The following RBFOX1 variants were observed in gnomAD, a reference collection of about 807,000 sequenced individuals.
RBFOX1 encodes the protein RNA binding fox-1 homolog 1, also known as RNA binding protein fox-1 homolog 1.
In RBFOX1, 8 loss-of-function variants were observed where a neutral mutation model predicts 57.7. The ratio of observed to expected loss-of-function variants is 0.14; its 90% CI spans 0.08 to 0.25. RBFOX1 has a LOEUF of 0.25. Ranked by LOEUF, RBFOX1 falls within the 10% of genes least tolerant of loss-of-function variation. The pLI is 1.00. For missense variants in RBFOX1, 611 were observed against 548.5 expected, an observed-to-expected ratio of 1.11 and a Z score of -1.14; for synonymous variants, 326 against 222.4, an observed-to-expected ratio of 1.47 and a Z score of -4.15.
chr16:6,195,717 C>T (rs994610698), intron 1 of RBFOX1, among the ~76,000 whole-genome samples: 3 of 147,834 alleles, frequency 2.0e-5, no homozygotes, highest in African/African-American at 7.5e-5. Flanking sequence ...GAAACTCTGT[C>T]TTTAAAAAAG....
intron 4 of RBFOX1, among the ~76,000 whole-genome samples, chr16:7,236,489 A>T (rs1027230266): frequency 6.6e-6 from 1 of 152,082 alleles, no homozygotes; most frequent in South Asian, 2.1e-4. Flanking sequence ...CATGGTTCCT[A>T]AATGCATCCA....
intron 1 of RBFOX1, among the ~76,000 whole-genome samples, chr16:6,062,621 T>TATAATATATAAGATATACATATA (rs6145734): frequency 2.0e-5 from 3 of 147,710 alleles, no homozygotes; most frequent in African/African-American, 7.4e-5. Context: ...AATATATAAA[T>TATAATATATAAGATATACATATA]ATATATAACA....
At chr16:5,414,193 C>T (rs1449910334) in intron 1 of RBFOX1, among the ~76,000 whole-genome samples, 1 of 152,154 alleles carries the variant, frequency 6.6e-6, no homozygotes, top group African/African-American at 2.4e-5. Flanking sequence ...ACTTGATTGG[C>T]TACAAGCTGA....
chr16:6,739,504 C>G (rs76458299), intron 3 of RBFOX1, among the ~76,000 whole-genome samples: 2 of 136,946 alleles, frequency 1.5e-5, no homozygotes, highest in Non-Finnish European at 3.1e-5. Context: ...AGGGAATCTC[C>G]GGTCTAAATG....
intron 3 of RBFOX1, among the ~76,000 whole-genome samples, chr16:6,667,749 C>A (rs945866429): frequency 1.3e-5 from 2 of 152,014 alleles, no homozygotes; most frequent in African/African-American, 4.8e-5. Context: ...CATAGTTAGG[C>A]ATGATGGTGC....
intron 2 of RBFOX1, among the ~76,000 whole-genome samples, chr16:5,525,427 A>T (rs909935042): frequency 2.0e-5 from 3 of 151,490 alleles, no homozygotes; most frequent in Non-Finnish European, 4.4e-5. Context: ...GGTTTATCCA[A>T]GGTCACACAG....
At chr16:7,442,278 CCTT>C (rs983825187) in intron 4 of RBFOX1, among the ~76,000 whole-genome samples, 8 of 152,178 alleles carry the variant, frequency 5.3e-5, no homozygotes, top group Non-Finnish European at 7.3e-5. Context: ...AGCTGGCCAG[CCTT>C]CTGGATTCCC....
intron 2 of RBFOX1, among the ~76,000 whole-genome samples, chr16:6,382,809 G>A (rs1000796628): frequency 3.3e-5 from 5 of 152,150 alleles, no homozygotes; most frequent in African/African-American, 9.7e-5. Flanking sequence ...GCAGTGAGCC[G>A]AGATCATGTC....
chr16:6,850,936 G>A (rs1224274940), intron 3 of RBFOX1, among the ~76,000 whole-genome samples: 2 of 152,146 alleles, frequency 1.3e-5, no homozygotes, highest in Admixed American at 6.5e-5. Flanking sequence ...GTTCACTGCA[G>A]CTTTATTTGT....
intron 2 of RBFOX1, among the ~76,000 whole-genome samples, chr16:6,438,410 G>C (rs905784773): frequency 3.9e-5 from 6 of 152,136 alleles, no homozygotes; most frequent in African/African-American, 1.4e-4. Flanking sequence ...CAAATAGTCT[G>C]ATCTCCAAAC....
intron 12 of RBFOX1, among the ~76,000 whole-genome samples, chr16:7,654,387 G>C (rs1381040537): frequency 6.6e-6 from 1 of 152,136 alleles, no homozygotes; most frequent in Non-Finnish European, 1.5e-5. Context: ...GGGATATCTT[G>C]GCTTCAAGGG....
chr16:6,770,947 C>T (rs1242411090), intron 3 of RBFOX1, among the ~76,000 whole-genome samples: 1 of 152,148 alleles, frequency 6.6e-6, no homozygotes, highest in Non-Finnish European at 1.5e-5. Context: ...CGAATTGTGT[C>T]TCCACTACCC....
At chr16:6,316,299 C>T (rs923301176) in intron 1 of RBFOX1, among the ~76,000 whole-genome samples, 3 of 152,122 alleles carry the variant, frequency 2.0e-5, no homozygotes, top group Non-Finnish European at 4.4e-5. Context: ...TAGCCATTTG[C>T]AGTTTAGGTG....
At chr16:5,330,224 C>G (rs1018343680) in intron 1 of RBFOX1, among the ~76,000 whole-genome samples, 6 of 152,132 alleles carry the variant, frequency 3.9e-5, no homozygotes, top group African/African-American at 1.4e-4. Context: ...AGTTGCATAG[C>G]TAGTAAGTAG....
At chr16:6,076,406 G>A (rs1435492121) in intron 1 of RBFOX1, among the ~76,000 whole-genome samples, 4 of 151,966 alleles carry the variant, frequency 2.6e-5, no homozygotes, top group Admixed American at 6.6e-5. Context: ...TTTGACCTTC[G>A]GTAGGTCAGT....
At chr16:6,146,053 T>C (rs1280350399) in intron 1 of RBFOX1, among the ~76,000 whole-genome samples, 2 of 152,214 alleles carry the variant, frequency 1.3e-5, no homozygotes, top group South Asian at 4.1e-4. Context: ...GTCCAGCTAA[T>C]TGGCTTTACA....
At chr16:7,141,365 G>T (rs1043086917) in intron 4 of RBFOX1, among the ~76,000 whole-genome samples, 1 of 152,208 alleles carries the variant, frequency 6.6e-6, no homozygotes, top group African/African-American at 2.4e-5. Flanking sequence ...AGACAGATAG[G>T]ACCCCTTCTC....
intron 2 of RBFOX1, among the ~76,000 whole-genome samples, chr16:5,591,488 T>A (rs1410976514): frequency 6.6e-6 from 1 of 152,140 alleles, no homozygotes; most frequent in African/African-American, 2.4e-5. Context: ...TGACCTCAGG[T>A]GATCTGCCTG....
At chr16:6,021,096 G>A (rs2095066381) in intron 1 of RBFOX1, among the ~76,000 whole-genome samples, 1 of 152,244 alleles carries the variant, frequency 6.6e-6, no homozygotes, top group South Asian at 2.1e-4. Flanking sequence ...CCCAAAGGCG[G>A]ATCTTTTCAG....
Sources: allele counts gnomAD v4.1 joint callset (sites outside exome capture counted in the v4.1 genomes callset), GRCh38; gene constraint gnomAD v4.1.1; transcripts MANE v1.5; gene names NCBI Gene and HGNC (gene_info 2026-07-23, HGNC 2026-07-21).